NCBP3: variants seen among roughly 807,000 people sequenced by gnomAD.
The protein encoded by NCBP3 is nuclear cap-binding protein subunit 3.
NCBP3 carries 20 observed loss-of-function variants against 75.7 expected under a neutral mutation model. That is an observed-to-expected ratio of 0.26 (90% CI 0.19 to 0.38). The LOEUF (loss-of-function observed/expected upper bound fraction) is 0.38, where lower values mean the gene tolerates loss of function less well. Among genes scored for constraint, NCBP3 ranks in the 10% least tolerant of loss-of-function variants. The pLI, the probability that NCBP3 is intolerant of heterozygous loss-of-function variation, is 1.00. For missense variants in NCBP3, 678 were observed against 796.9 expected (o/e 0.85, Z 1.80); for synonymous variants, 293 against 290.5 (o/e 1.01, Z -0.09).
At chr17:3,826,300 A>G in intron 4 of NCBP3, 85 bp from the exon 5 acceptor site, 2 of 1,273,834 alleles carry the variant, frequency 1.6e-6, no homozygotes, top group Non-Finnish European at 2.1e-6. Context: ...ATTCATCACT[A>G]CAGCCTCATC....
Position 3,813,137 on chromosome 17 carries a change from C to G in NCBP3, c.1770G>C (p.Gln590His), listed in dbSNP as rs1337055683. The change falls in exon 13 of 13, where the codon CAG becomes CAC. Residue 590 changes from glutamine to histidine, a missense_variant. By Grantham distance (24) the Gln-to-His change is conservative. Around this residue, in one of 7 missense-constraint regions of NCBP3, gnomAD observed 365 missense variants for 392.7 expected, o/e 0.93. Transcript: ENST00000389005. Reference protein sequence around the residue: ...AWGALIKEKEQSRQKKSRLDN... With the variant: ...AWGALIKEKEHSRQKKSRLDN... ...CTAACCGGCTCTTCTTTTGGCGAGA[C>G]TGCTCTTTCTCCTTAATCAGAGCCC... The G allele has an allele frequency of 1.2e-6, 2 of 1,614,272 alleles. No homozygotes were observed. Among genetic ancestry groups the G allele is most frequent in the East Asian group, 2.2e-5 (1 of 44,888 alleles).
chr17:3,841,016 C>T (rs1351803321), intron 2 of NCBP3, among the ~76,000 whole-genome samples: 2 of 152,132 alleles, frequency 1.3e-5, no homozygotes, highest in African/African-American at 4.8e-5. Context: ...GAGACGGACT[C>T]TCACTCTGTC....
At position 3,813,501 on chromosome 17, in the gene NCBP3, G is replaced by T. The variant is rs528066724; in HGVS notation, c.1628-222C>A. On this transcript the variant is annotated intron_variant, in intron 12 of 12. Coordinates refer to ENST00000389005, the MANE Select transcript of NCBP3 (RefSeq NM_001114118.3). ...GGACCCAGCACGGGATTCTCACCGT[G>T]GGGGGACAGGTCAGGTCCCTCCCTG... Among the ~76,000 whole-genome samples the T allele has an allele frequency of 5.3e-5, 8 of 152,170 alleles. No individual in the cohort carries two copies. In the South Asian group the frequency reaches 6.2e-4, roughly 12 times the overall value.
At position 3,811,503 on chromosome 17, in the gene NCBP3, C is replaced by CA. The variant is rs1485759464; in HGVS notation, c.*1540dup. On this transcript the variant is annotated 3_prime_UTR_variant, in exon 13 of 13. Coordinates refer to ENST00000389005, the MANE Select transcript of NCBP3 (RefSeq NM_001114118.3). ...AGGGAGAAAAAGCAAGGTTAATCAACAAAATATGGGACAATACAGTTTTTG... is the reference window on the plus strand; with the variant it reads ...AGGGAGAAAAAGCAAGGTTAATCAACAAAAATATGGGACAATACAGTTTTTG... 2.0e-5 allele frequency: 3 copies of CA among 152,196 alleles called. No individual in the cohort carries two copies. Among genetic ancestry groups the CA allele is most frequent in the Non-Finnish European group, 4.4e-5 (3 of 68,026 alleles). The allele number at this position is 152,196 out of a possible 1,614,324, so 9.4% of individuals were successfully genotyped here.
Position 3,812,922 on chromosome 17 carries a change from G to A in NCBP3, c.*122C>T. On this transcript the variant is annotated 3_prime_UTR_variant, in exon 13 of 13. Transcript: ENST00000389005. Reference sequence around the variant, plus strand: ...ATGTCTTGCCGAAGTAGCAAGAGCGGAGGGTGACTGTGTGAGCAGGAGCGA... The same window carrying A: ...ATGTCTTGCCGAAGTAGCAAGAGCGAAGGGTGACTGTGTGAGCAGGAGCGA... 1 of 1,510,960 alleles carries A rather than the reference G, an allele frequency of 6.6e-7. No homozygotes were observed. Among genetic ancestry groups the A allele is most frequent in the South Asian group, 1.3e-5 (1 of 74,868 alleles). The allele number at this position is 1,510,960 out of a possible 1,614,324, so 93.6% of individuals were successfully genotyped here.
chr17:3,809,435 G>A lies in NCBP3; in HGVS notation c.*3609C>T, dbSNP rs2053374700. 1 of 152,266 alleles carries A rather than the reference G, an allele frequency of 6.6e-6. No homozygotes were observed. Among genetic ancestry groups the A allele is most frequent in the African/African-American group, 2.4e-5 (1 of 41,456 alleles). The allele number at this position is 152,266 out of a possible 1,614,324, so 9.4% of individuals were successfully genotyped here. ...TAGCCAAAAAGTAGGGCCAGGTGCA[G>A]TGGCTCACACCTGTAATCCCAGAAC... is the stretch of plus-strand genomic sequence containing the variant. On this transcript the variant is annotated 3_prime_UTR_variant, in exon 13 of 13. Coordinates refer to ENST00000389005, the MANE Select transcript of NCBP3 (RefSeq NM_001114118.3).
chr17:3,828,971 T>A lies in NCBP3; in HGVS notation c.481+272A>T, dbSNP rs535582964. The stretch of plus-strand genomic sequence containing the variant: ...AAGGTGAGTGTTAAAGAGGCCTCAA[T>A]CAACTACGGCAGATTCAGAGGCCAG... On this transcript the variant is annotated intron_variant, in intron 4 of 12. Transcript: ENST00000389005. 9.9e-5 allele frequency among the ~76,000 whole-genome samples: 15 copies of A among 151,910 alleles called. No individual in the cohort carries two copies. In the South Asian group the frequency reaches 3.1e-3, roughly 32 times the overall value.
chr17:3,838,406 C>T (rs1412141247), intron 3 of NCBP3, among the ~76,000 whole-genome samples: 1 of 152,358 alleles, frequency 6.6e-6, no homozygotes, highest in South Asian at 2.1e-4. Context: ...CCCGGCTGTG[C>T]AGGCACATGA....
chr17:3,830,037 TC>T (rs1272968134), intron 3 of NCBP3, among the ~76,000 whole-genome samples: 7 of 152,178 alleles, frequency 4.6e-5, no homozygotes, highest in Non-Finnish European at 1.0e-4. Flanking sequence ...GGTCCTTGAA[TC>T]GAGATATCTT....
chr17:3,829,729 G>A (rs997191125), intron 3 of NCBP3, among the ~76,000 whole-genome samples: 1 of 152,182 alleles, frequency 6.6e-6, no homozygotes, highest in Non-Finnish European at 1.5e-5. Flanking sequence ...TTAAATGTAT[G>A]TTAAAGAGAA....
rs2143649506 is a variant in NCBP3 at position 3,818,537 on chromosome 17, C to T, written c.1036G>A (p.Glu346Lys). ...TCTTCCTCCTCCTCCTCCTCTTCCTCCTCTTCAATGGGTTCCTCGGGAACA... is the reference window on the plus strand; with the variant it reads ...TCTTCCTCCTCCTCCTCCTCTTCCTTCTCTTCAATGGGTTCCTCGGGAACA... ...VNVPEEPIEEEEEEEEEEEEE... is the reference protein window; with the variant it reads ...VNVPEEPIEEKEEEEEEEEEE... Residue 346 changes from glutamate (E) to lysine (K), a missense_variant, in exon 10 of 13, where the codon GAG (glutamate) becomes AAG (lysine). By Grantham distance (56) the Glu-to-Lys change is moderately conservative. Around this residue, in one of 7 missense-constraint regions of NCBP3, gnomAD observed 365 missense variants for 392.7 expected, o/e 0.93. Transcript: ENST00000389005. This position sits in a 1 kb window ranked among gnomAD's most constrained non-coding sequence, Gnocchi z 4.7. 1.2e-6 allele frequency: 2 copies of T among 1,610,692 alleles called. No homozygotes were observed. The highest frequency in any genetic ancestry group is 1.7e-6 in the Non-Finnish European group (2 of 1,179,924).
intron 4 of NCBP3, among the ~76,000 whole-genome samples, chr17:3,828,934 C>T (rs538308124): frequency 1.1e-4 from 17 of 152,224 alleles, no homozygotes; most frequent in Non-Finnish European, 2.1e-4. Flanking sequence ...GGATCCTCTC[C>T]TTTGTTGGGA....
At chr17:3,835,397 C>G (rs1290024590) in intron 3 of NCBP3, among the ~76,000 whole-genome samples, 2 of 152,176 alleles carry the variant, frequency 1.3e-5, no homozygotes, top group Admixed American at 6.5e-5. Flanking sequence ...AACTGGAACC[C>G]ATATCTCACC....
At chr17:3,815,224 T>C (rs941708659) in intron 11 of NCBP3, among the ~76,000 whole-genome samples, 3 of 152,212 alleles carry the variant, frequency 2.0e-5, no homozygotes, top group Admixed American at 6.5e-5. Flanking sequence ...CACCCTCAAG[T>C]TGTCTTTCTA....
chr17:3,845,205 C>T (rs2143728453), intron 1 of NCBP3, among the ~76,000 whole-genome samples: 1 of 152,284 alleles, frequency 6.6e-6, no homozygotes, highest in East Asian at 1.9e-4. Context: ...TGTTGTTAAT[C>T]ATAATTATAA....
chr17:3,802,813 G>A lies in NCBP3; in HGVS notation c.*10231C>T, dbSNP rs2053286919. On this transcript the variant is annotated 3_prime_UTR_variant, in exon 13 of 13. Transcript: ENST00000389005. The stretch of plus-strand genomic sequence containing the variant: ...AGACTGCAGCTCACTCGAGATTCCT[G>A]AGAGAAGACTTTGTGTTTGGAGTGT... 6.6e-6 allele frequency: 1 copy of A among 152,370 alleles called. No homozygotes were observed. The highest frequency in any genetic ancestry group is 2.4e-5 in the African/African-American group (1 of 41,474). 9.4% of individuals were successfully genotyped at this position (152,370 alleles called of 1,614,324 possible). A position where few individuals can be genotyped will look rare whatever the true frequency, so the allele number is the denominator to read the frequency against.
chr17:3,811,346 G>C lies in NCBP3; in HGVS notation c.*1698C>G, dbSNP rs2053409700. Reference sequence around the variant, plus strand: ...CTGGCTCTCAGCTGTATGCTTCACAGGGAAAGAAAAGCTGAGAAATCTCAG... The same window carrying C: ...CTGGCTCTCAGCTGTATGCTTCACACGGAAAGAAAAGCTGAGAAATCTCAG... On this transcript the variant is annotated 3_prime_UTR_variant, in exon 13 of 13. Transcript: ENST00000389005. 6.6e-6 allele frequency: 1 copy of C among 152,124 alleles called. No individual in the cohort carries two copies. Among genetic ancestry groups the C allele is most frequent in the African/African-American group, 2.4e-5 (1 of 41,386 alleles). 9.4% of individuals were successfully genotyped at this position (152,124 alleles called of 1,614,324 possible).
intron 7 of NCBP3, chr17:3,824,212 T>C (rs1049574913): frequency 6.6e-6 from 1 of 152,176 alleles, no homozygotes. Flanking sequence ...AAGTGTGCTA[T>C]GTATAAAACA....
At chr17:3,823,940 CA>C (rs2053720793) in intron 7 of NCBP3, 1 of 152,104 alleles carries the variant, frequency 6.6e-6, no homozygotes, top group Admixed American at 6.6e-5. Context: ...CAGGAGGAAT[CA>C]TCAGACAAAC....
Sources: gnomAD v4.1 joint callset for allele counts (sites outside exome capture counted in the v4.1 genomes callset) on GRCh38, gnomAD v4.1.1 for gene constraint, gnomAD v4.1.1 regional missense constraint, Gnocchi (gnomAD v3.1) non-coding constraint, MANE v1.5 for transcripts, NCBI Gene and HGNC (gene_info 2026-07-23, HGNC 2026-07-21) for gene names.